The following FOXP2 variants were observed in gnomAD, a reference collection of about 807,000 sequenced individuals.
The protein encoded by FOXP2 is forkhead box protein P2.
FOXP2 carries 12 observed loss-of-function variants against 115.8 expected under a neutral mutation model. The observed-to-expected ratio is 0.10, with a 90% CI of 0.07 to 0.17. The LOEUF (loss-of-function observed/expected upper bound fraction) is 0.17. FOXP2 is among the 10% of genes least tolerant of loss of function. The pLI is 1.00. For missense variants in FOXP2, 629 were observed against 843.5 expected (o/e 0.75, Z 3.15); for synonymous variants, 328 against 297.7 (o/e 1.10, Z -1.05).
At chr7:114,127,126 T>C (rs975809747) in intron 1 of FOXP2, among the ~76,000 whole-genome samples, 2 of 152,196 alleles carry the variant, frequency 1.3e-5, no homozygotes, top group Non-Finnish European at 2.9e-5. Context: ...TTGTGGGTTA[T>C]TGGACTGAGG....
intron 16 of FOXP2, among the ~76,000 whole-genome samples, chr7:114,685,137 C>G (rs1808296065): frequency 6.6e-6 from 1 of 152,184 alleles, no homozygotes; most frequent in East Asian, 1.9e-4. Flanking sequence ...GCAGATCTTT[C>G]CCCCTCTCCC....
intron 16 of FOXP2, chr7:114,664,732 T>C: frequency 5.0e-6 from 2 of 403,856 alleles, no homozygotes; most frequent in South Asian, 2.4e-5. Context: ...ATCTTATGGG[T>C]CATTATCACA....
At chr7:114,661,707 C>T (rs1195963867) in intron 13 of FOXP2, 2 of 298,152 alleles carry the variant, frequency 6.7e-6, no homozygotes, top group Non-Finnish European at 1.3e-5. Flanking sequence ...TTGGACATTT[C>T]AACCATCCCT....
In FOXP2 at chr7:114,231,529, A is replaced by G. The variant is rs185090523; in HGVS notation, c.-101-56490A>G. ...TATGGTACTGGCGTGAAGACATACC[A>G]ATAGAACAAAATAGAAACCCCAGAA... On this transcript the variant is annotated intron_variant, in intron 1 of 17. Coordinates refer to the FOXP2 transcript ENST00000634411. Among the ~76,000 whole-genome samples the G allele has an allele frequency of 4.8e-3, 733 of 152,302 alleles. 10 individuals carry two copies. The highest frequency in any genetic ancestry group is 0.017 in the African/African-American group (693 of 41,566).
At chr7:114,142,449 A>G (rs1033132201) in intron 1 of FOXP2, among the ~76,000 whole-genome samples, 2 of 152,220 alleles carry the variant, frequency 1.3e-5, no homozygotes, top group Non-Finnish European at 2.9e-5. Context: ...TAGATCTTCA[A>G]AAATATATAA....
intron 1 of FOXP2, among the ~76,000 whole-genome samples, chr7:114,181,636 T>C (rs1290840202): frequency 6.6e-6 from 1 of 152,048 alleles, no homozygotes; most frequent in Admixed American, 6.6e-5. Context: ...TACTAAGTGA[T>C]ACAGCCAAAA....
At chr7:114,426,787 G>T in intron 2 of FOXP2, 108 bp downstream of exon 2, 1 of 1,168,764 alleles carries the variant, frequency 8.6e-7, no homozygotes. Flanking sequence ...GCTAAAAGAT[G>T]CTGAGAATTT....
intron 10 of FOXP2, among the ~76,000 whole-genome samples, chr7:114,655,427 G>C (rs1355567142): frequency 6.6e-6 from 1 of 152,064 alleles, no homozygotes; most frequent in African/African-American, 2.4e-5. Context: ...ACACATGAAA[G>C]AATTGCTAAT....
intron 3 of FOXP2, among the ~76,000 whole-genome samples, chr7:114,545,611 A>C (rs1033790803): frequency 6.6e-6 from 1 of 152,158 alleles, no homozygotes; most frequent in Non-Finnish European, 1.5e-5. Flanking sequence ...AGTATCAATC[A>C]ATAGATTGAT....
At chr7:114,346,144 T>A (rs1791342215) in intron 2 of FOXP2, among the ~76,000 whole-genome samples, 1 of 151,862 alleles carries the variant, frequency 6.6e-6, no homozygotes, top group Non-Finnish European at 1.5e-5. Flanking sequence ...ACATGTAAAA[T>A]TTTTAGTTTA....
chr7:114,275,731 A>T (rs1796170701), intron 1 of FOXP2, among the ~76,000 whole-genome samples: 1 of 152,130 alleles, frequency 6.6e-6, no homozygotes, highest in South Asian at 2.1e-4. Flanking sequence ...TTGCCTTTTG[A>T]TATGCCTTGT....
intron 1 of FOXP2, among the ~76,000 whole-genome samples, chr7:114,144,563 A>T (rs6466480): frequency 2.0e-5 from 3 of 151,932 alleles, no homozygotes; most frequent in African/African-American, 7.3e-5. Flanking sequence ...AACCATGTTG[A>T]GTATTATTTT....
At chr7:114,259,118 G>A (rs553342477) in intron 1 of FOXP2, among the ~76,000 whole-genome samples, 42 of 152,152 alleles carry the variant, frequency 2.8e-4, no homozygotes, top group African/African-American at 6.5e-4. Context: ...GAGAGTCTTC[G>A]ATCAACTTAT....
At chr7:114,557,241 G>A (rs1393712704) in intron 3 of FOXP2, among the ~76,000 whole-genome samples, 2 of 152,160 alleles carry the variant, frequency 1.3e-5, no homozygotes, top group East Asian at 3.9e-4. Context: ...GAGATTGGAA[G>A]CTGGTTTAAT....
chr7:114,140,281 T>G (rs2129146899), intron 1 of FOXP2, among the ~76,000 whole-genome samples: 1 of 152,248 alleles, frequency 6.6e-6, no homozygotes, highest in African/African-American at 2.4e-5. Flanking sequence ...TTCGTGAAAA[T>G]TATTTTATAT....
intron 1 of FOXP2, among the ~76,000 whole-genome samples, chr7:114,145,160 A>G (rs1464271898): frequency 6.6e-6 from 1 of 152,136 alleles, no homozygotes. Context: ...TCTTCTGTAC[A>G]GTACGAATAA....
rs745618497 is a variant in FOXP2, at chr7:114,426,579, T to G, written c.68T>G (p.Leu23Arg). The change falls in exon 2 of 17, where the codon CTA becomes CGA. Residue 23 changes from leucine to arginine, a missense_variant. Around this residue, in one of 9 missense-constraint regions of FOXP2, gnomAD observed 91 missense variants for 98.3 expected, o/e 0.93. Transcript: ENST00000350908. The part of the protein sequence containing the change: ...SSMNQNGMST[L>R]SSQLDAGSRD... ...ATGAATCAAAATGGAATGAGCACTC[T>G]AAGCAGCCAATTAGATGCTGGCAGC... 1 of 1,611,746 alleles carries G rather than the reference T, an allele frequency of 6.2e-7. No individual in the cohort carries two copies. The highest frequency in any genetic ancestry group is 2.2e-5 in the East Asian group (1 of 44,754).
chr7:114,506,104 T>G (rs983490061), intron 2 of FOXP2, among the ~76,000 whole-genome samples: 1 of 151,680 alleles, frequency 6.6e-6, no homozygotes, highest in African/African-American at 2.4e-5. Context: ...TGGCAGATGC[T>G]CAATAAATAC....
intron 3 of FOXP2, among the ~76,000 whole-genome samples, chr7:114,621,144 A>C (rs1266110534): frequency 6.6e-6 from 1 of 152,028 alleles, no homozygotes; most frequent in Non-Finnish European, 1.5e-5. Context: ...AATGGGTTAC[A>C]ACTGTTCTCG....
Sources: gnomAD v4.1 joint callset for allele counts (sites outside exome capture counted in the v4.1 genomes callset) on GRCh38, gnomAD v4.1.1 for gene constraint, gnomAD v4.1.1 regional missense constraint, MANE v1.5 for transcripts, NCBI Gene and HGNC (gene_info 2026-07-23, HGNC 2026-07-21) for gene names.